AKT3: variants seen among roughly 807,000 people sequenced by gnomAD.
AKT3 encodes the protein RAC-gamma serine/threonine-protein kinase.
In AKT3, 15 loss-of-function variants were observed where a neutral mutation model predicts 65.3. That is an observed-to-expected ratio of 0.23 (90% CI 0.15 to 0.35). The LOEUF (loss-of-function observed/expected upper bound fraction) is 0.35, where lower values mean the gene tolerates loss of function less well. Ranked by LOEUF, AKT3 falls within the 10% of genes least tolerant of loss-of-function variation. The pLI is 1.00. For missense variants in AKT3, 243 were observed against 576.5 expected, an observed-to-expected ratio of 0.42 and a Z score of 5.92; for synonymous variants, 206 against 183.8, an observed-to-expected ratio of 1.12 and a Z score of -0.98.
chr1:243,522,190 C>T (rs1670762004), intron 12 of AKT3, among the ~76,000 whole-genome samples: 1 of 152,132 alleles, frequency 6.6e-6, no homozygotes, highest in Non-Finnish European at 1.5e-5. Flanking sequence ...CTACTTTCTC[C>T]CTTCTTCAGC....
chr1:243,517,082 T>C (rs866328780), intron 12 of AKT3, among the ~76,000 whole-genome samples: 1 of 152,280 alleles, frequency 6.6e-6, no homozygotes, highest in Middle Eastern at 3.4e-3. Context: ...TTCCCTTTGA[T>C]TTCTTCTTTG....
At position 243,850,045 on chromosome 1, in the gene AKT3, A is replaced by G. The variant is rs1695700344; in HGVS notation, c.-118T>C. 3 of 980,958 alleles carry G rather than the reference A, an allele frequency of 3.1e-6. No homozygotes were observed. The highest frequency in any genetic ancestry group is 2.4e-6 in the Non-Finnish European group (2 of 828,886). 60.8% of individuals were successfully genotyped at this position (980,958 alleles called of 1,614,324 possible). A position where few individuals can be genotyped will look rare whatever the true frequency, so the allele number is the denominator to read the frequency against. ...TTGGGGGCGGTGGCTGTTACCTGCAACGGCGGCGGCGGCGGTGGCGGCCCC... is the reference window on the plus strand; with the variant it reads ...TTGGGGGCGGTGGCTGTTACCTGCAGCGGCGGCGGCGGCGGTGGCGGCCCC... On this transcript the variant is annotated 5_prime_UTR_variant, in exon 1 of 14. Coordinates refer to ENST00000673466, the MANE Select transcript of AKT3 (RefSeq NM_005465.7).
At chr1:243,562,681 G>GGGCTACATA (rs1673881164) in intron 10 of AKT3, among the ~76,000 whole-genome samples, 1 of 151,998 alleles carries the variant, frequency 6.6e-6, no homozygotes, top group Non-Finnish European at 1.5e-5. Flanking sequence ...AGGGCTACAT[G>GGGCTACATA]TAAGTGTTCC....
chr1:243,640,203 A>G (rs1680268706), intron 5 of AKT3, among the ~76,000 whole-genome samples: 1 of 152,236 alleles, frequency 6.6e-6, no homozygotes, highest in Non-Finnish European at 1.5e-5. Context: ...TAAATATCAA[A>G]TATAGTAAAT....
chr1:243,596,504 T>C (rs1251099242), intron 8 of AKT3, among the ~76,000 whole-genome samples: 1 of 152,166 alleles, frequency 6.6e-6, no homozygotes, highest in African/African-American at 2.4e-5. Flanking sequence ...TCATTAGTCA[T>C]AAGAGAAACG....
At chr1:243,580,418 A>T (rs988038188) in intron 8 of AKT3, among the ~76,000 whole-genome samples, 6 of 152,178 alleles carry the variant, frequency 3.9e-5, no homozygotes. Context: ...GCATTTTTCC[A>T]GACCCGGGAA....
intron 12 of AKT3, among the ~76,000 whole-genome samples, chr1:243,542,489 C>T (rs1387830583): frequency 6.6e-6 from 1 of 152,082 alleles, no homozygotes; most frequent in East Asian, 1.9e-4. Flanking sequence ...GTGCCATCAC[C>T]TCTCGATGTG....
At chr1:243,662,397 T>C (rs1031221658) in intron 4 of AKT3, among the ~76,000 whole-genome samples, 1 of 151,990 alleles carries the variant, frequency 6.6e-6, no homozygotes, top group Non-Finnish European at 1.5e-5. Flanking sequence ...TGAGTTCATG[T>C]CCTTTGTAGG....
intron 2 of AKT3, among the ~76,000 whole-genome samples, chr1:243,716,587 G>A (rs1181488356): frequency 1.1e-4 from 16 of 152,114 alleles, no homozygotes; most frequent in Non-Finnish European, 1.3e-4. Context: ...GCAGAAATTC[G>A]AGTAATGCAT....
intron 12 of AKT3, among the ~76,000 whole-genome samples, chr1:243,532,875 G>T (rs571511914): frequency 1.3e-5 from 2 of 152,198 alleles, no homozygotes; most frequent in East Asian, 3.9e-4. Flanking sequence ...AAGTCATTTT[G>T]GTGATTTGTG....
chr1:243,723,695 G>T (rs1328271504), intron 2 of AKT3, among the ~76,000 whole-genome samples: 4 of 152,140 alleles, frequency 2.6e-5, no homozygotes, highest in Non-Finnish European at 5.9e-5. Flanking sequence ...GGAGGCCAAG[G>T]TGGGAGGGCT....
At chr1:243,734,416 T>A (rs887583269) in intron 2 of AKT3, among the ~76,000 whole-genome samples, 3 of 152,200 alleles carry the variant, frequency 2.0e-5, no homozygotes, top group Non-Finnish European at 4.4e-5. Context: ...TGAGTGAACA[T>A]CATAGAAACA....
intron 2 of AKT3, among the ~76,000 whole-genome samples, chr1:243,832,427 T>C (rs924010977): frequency 6.6e-6 from 1 of 152,188 alleles, no homozygotes; most frequent in Non-Finnish European, 1.5e-5. Flanking sequence ...TGTGTATCTA[T>C]ACATTAAAAC....
intron 4 of AKT3, among the ~76,000 whole-genome samples, chr1:243,648,301 C>G (rs1681005171): frequency 1.3e-5 from 2 of 151,238 alleles, no homozygotes. Context: ...ATAAAACTGT[C>G]AAATTCTTTT....
intron 2 of AKT3, among the ~76,000 whole-genome samples, chr1:243,718,399 G>GT (rs1004958479): frequency 4.6e-4 from 70 of 151,514 alleles, no homozygotes; most frequent in African/African-American, 1.6e-3. Context: ...TCACTTTAAA[G>GT]TTTTTTTTAA....
Position 243,511,994 on chromosome 1 carries a change from G to A in AKT3, c.1354+330C>T, listed in dbSNP as rs79457454. Among the ~76,000 whole-genome samples, 108 of 152,288 alleles carry A rather than the reference G, an allele frequency of 7.1e-4. 1 individual carries two copies. The highest frequency in any genetic ancestry group is 1.3e-3 in the Admixed American group (20 of 15,294). ...AATGAACGAAGTCTAGGAAAGAGGG[G>A]AGTCTCTATTTCACAATCCTTTCAG... is the stretch of plus-strand genomic sequence containing the variant. On this transcript the variant is annotated intron_variant, in intron 13 of 13. Coordinates refer to ENST00000673466, the MANE Select transcript of AKT3 (RefSeq NM_005465.7).
chr1:243,798,227 T>A lies in AKT3; in HGVS notation c.46+44898A>T, dbSNP rs1363147764. Among the ~76,000 whole-genome samples, 5 of 84,934 alleles carry A rather than the reference T, an allele frequency of 5.9e-5. No homozygotes were observed. The South Asian group carries it at 1.9e-3, about 32-fold the overall frequency. 55.7% of individuals were successfully genotyped at this position (84,934 alleles called of 152,430 possible). ...AGGCCCTTTTTTTTTTTTTTTTTTT[T>A]AAGACAGGGTCTCACTGTGTCACCC... is the stretch of plus-strand genomic sequence containing the variant. On this transcript the variant is annotated intron_variant, in intron 2 of 13. Coordinates refer to ENST00000673466, the MANE Select transcript of AKT3 (RefSeq NM_005465.7).
chr1:243,773,553 G>A (rs373484047), intron 2 of AKT3, among the ~76,000 whole-genome samples: 1 of 152,226 alleles, frequency 6.6e-6, no homozygotes, highest in East Asian at 1.9e-4. Context: ...GTTCCAGGCT[G>A]CAGTGAGCCA....
At chr1:243,764,205 T>C (rs758249301) in intron 2 of AKT3, among the ~76,000 whole-genome samples, 1 of 152,150 alleles carries the variant, frequency 6.6e-6, no homozygotes, top group Non-Finnish European at 1.5e-5. Context: ...GTTAAGATAC[T>C]ATTTTAATAA....
Sources: allele counts gnomAD v4.1 joint callset (sites outside exome capture counted in the v4.1 genomes callset), GRCh38; gene constraint gnomAD v4.1.1; transcripts MANE v1.5; gene names NCBI Gene and HGNC (gene_info 2026-07-23, HGNC 2026-07-21).